IL22RA1: variants seen among roughly 807,000 people sequenced by gnomAD.
The protein encoded by IL22RA1 is interleukin 22 receptor subunit alpha 1, also known as interleukin-22 receptor subunit alpha-1.
IL22RA1 carries 25 observed loss-of-function variants against 32.8 expected under a neutral mutation model. That is an observed-to-expected ratio of 0.76 (90% CI 0.55 to 1.06). The LOEUF is 1.06. Ranked by LOEUF, IL22RA1 falls within the 50% of genes least tolerant of loss-of-function variation. The pLI, the probability that IL22RA1 is intolerant of heterozygous loss-of-function variation, is 0.00. For missense variants in IL22RA1, 709 were observed against 727.4 expected, an observed-to-expected ratio of 0.97 and a Z score of 0.29; for synonymous variants, 305 against 305.0, an observed-to-expected ratio of 1.00 and a Z score of 0.00.
rs116318421 is a variant in IL22RA1 at position 24,126,363 on chromosome 1, C to T, written c.670+1778G>A. 4.2e-3 allele frequency among the ~76,000 whole-genome samples: 640 copies of T among 152,268 alleles called. 2 individuals are homozygous for T. The highest frequency in any genetic ancestry group is 9.7e-3 in the African/African-American group (402 of 41,554). ...GCTGTTTGGAAAAGTGATGAGTTTC[C>T]GAACAAACCTGAGGACCAGAGTGTC... On this transcript the variant is annotated intron_variant, in intron 5 of 6. Coordinates refer to ENST00000270800, the MANE Select transcript of IL22RA1 (RefSeq NM_021258.4).
At chr1:24,126,543 CCTTCT>C (rs1644162797) in intron 5 of IL22RA1, among the ~76,000 whole-genome samples, 1 of 152,218 alleles carries the variant, frequency 6.6e-6, no homozygotes, top group African/African-American at 2.4e-5. Flanking sequence ...TAATACCGTG[CCTTCT>C]CATTCCTCAC....
chr1:24,136,605 G>A (rs1438810282), intron 3 of IL22RA1, among the ~76,000 whole-genome samples: 2 of 152,216 alleles, frequency 1.3e-5, no homozygotes, highest in African/African-American at 4.8e-5. Context: ...AGGAACCCGA[G>A]GCAGGGACTG....
intron 1 of IL22RA1, among the ~76,000 whole-genome samples, chr1:24,139,059 T>C (rs1336411639): frequency 1.3e-5 from 2 of 152,254 alleles, no homozygotes; most frequent in Non-Finnish European, 2.9e-5. Flanking sequence ...TATTATCTAA[T>C]TCCAGAACAT....
intron 4 of IL22RA1, among the ~76,000 whole-genome samples, chr1:24,132,761 G>A (rs542022143): frequency 6.6e-5 from 10 of 152,008 alleles, no homozygotes; most frequent in Middle Eastern, 3.4e-3. Flanking sequence ...AGCACTTTGG[G>A]AGGCTGAGGC....
intron 4 of IL22RA1, among the ~76,000 whole-genome samples, chr1:24,131,925 C>T (rs988855693): frequency 6.6e-5 from 10 of 152,046 alleles, no homozygotes; most frequent in Non-Finnish European, 8.8e-5. Context: ...TGTTCTCTGA[C>T]CACAAATTGA....
chr1:24,137,402 T>C, intron 2 of IL22RA1, 93 bp from the exon 3 acceptor site: 1 of 1,182,556 alleles, frequency 8.5e-7, no homozygotes. Context: ...ATCTGATATT[T>C]ACTTAGCACG....
At chr1:24,136,030 C>T (rs1232186553) in intron 3 of IL22RA1, among the ~76,000 whole-genome samples, 1 of 152,218 alleles carries the variant, frequency 6.6e-6, no homozygotes, top group Non-Finnish European at 1.5e-5. Context: ...TCCCAGCTCA[C>T]TGCAGTCTTG....
intron 1 of IL22RA1, among the ~76,000 whole-genome samples, chr1:24,142,268 G>C (rs1445298520): frequency 6.6e-6 from 1 of 152,220 alleles, no homozygotes; most frequent in Non-Finnish European, 1.5e-5. Context: ...GAGCAAGGAG[G>C]GCCTGGCCGA....
intron 4 of IL22RA1, among the ~76,000 whole-genome samples, chr1:24,133,148 G>C (rs1162421730): frequency 6.6e-6 from 1 of 150,782 alleles, no homozygotes; most frequent in Admixed American, 6.6e-5. Context: ...TCTGTGGCAT[G>C]CCAGGTAATA....
chr1:24,137,097 C>T (rs1159926566), intron 3 of IL22RA1, 34 bp downstream of exon 3: 3 of 1,592,190 alleles, frequency 1.9e-6, no homozygotes, highest in South Asian at 1.1e-5. Context: ...CTTTCCTCTT[C>T]CCTCCCCTGA....
At position 24,121,198 on chromosome 1, in the gene IL22RA1, G is replaced by A; in HGVS notation, c.1332C>T (p.Gly444=). Residue 444 remains glycine, a synonymous_variant, in exon 7 of 7, where the codon GGC becomes GGT. Coordinates refer to ENST00000270800, the MANE Select transcript of IL22RA1 (RefSeq NM_021258.4). ...EPPAGSCMLG[G]LSLQEVTSLA... ...AGGAGGTCACCTCCTGCAGAGAAAG[G>A]CCACCTAACATGCAGCTTCCAGCTG... 1.9e-6 allele frequency: 3 copies of A among 1,614,232 alleles called. No individual in the cohort carries two copies. The highest frequency in any genetic ancestry group is 2.5e-6 in the Non-Finnish European group (3 of 1,180,040).
chr1:24,128,777 C>T (rs1330568125), intron 4 of IL22RA1, among the ~76,000 whole-genome samples: 2 of 152,162 alleles, frequency 1.3e-5, no homozygotes, highest in Non-Finnish European at 2.9e-5. Context: ...CTTTCATGGT[C>T]GCCCATCTCT....
At chr1:24,136,838 G>A (rs1179451370) in intron 3 of IL22RA1, among the ~76,000 whole-genome samples, 1 of 152,158 alleles carries the variant, frequency 6.6e-6, no homozygotes, top group Non-Finnish European at 1.5e-5. Flanking sequence ...AAAGAGGAGA[G>A]TTGGGGAAAC....
chr1:24,132,941 T>G (rs1477705112), intron 4 of IL22RA1, among the ~76,000 whole-genome samples: 1 of 151,822 alleles, frequency 6.6e-6, no homozygotes, highest in Admixed American at 6.5e-5. Flanking sequence ...GAGCTGGATT[T>G]GAATCCTGTC....
intron 2 of IL22RA1, among the ~76,000 whole-genome samples, chr1:24,137,875 G>A (rs565128324): frequency 1.3e-3 from 194 of 152,294 alleles, no homozygotes; most frequent in African/African-American, 4.4e-3. Flanking sequence ...TTGCCCACGT[G>A]TTTGAAGTGT....
intron 4 of IL22RA1, among the ~76,000 whole-genome samples, chr1:24,130,737 C>T (rs1442160939): frequency 6.6e-6 from 1 of 152,246 alleles, no homozygotes; most frequent in African/African-American, 2.4e-5. Flanking sequence ...CACAGTCTTA[C>T]TCTGTCACCC....
At chr1:24,134,566 G>A (rs41268133) in intron 3 of IL22RA1, among the ~76,000 whole-genome samples, 180 bp from the exon 4 acceptor site, 36,234 of 152,032 alleles carry the variant, frequency 0.24, 5,202 homozygotes, top group Non-Finnish European at 0.3. Context: ...ACAAGCCCTG[G>A]TGTTTGGGTT....
intron 5 of IL22RA1, among the ~76,000 whole-genome samples, chr1:24,123,861 C>T (rs537819977): frequency 4.6e-4 from 70 of 152,322 alleles, no homozygotes; most frequent in Admixed American, 7.2e-4. Context: ...TGCCCCAGCC[C>T]TCATGGTCGA....
intron 2 of IL22RA1, among the ~76,000 whole-genome samples, 169 bp from the exon 3 acceptor site, chr1:24,137,478 A>G (rs1425468640): frequency 3.3e-5 from 5 of 151,300 alleles, no homozygotes; most frequent in Admixed American, 3.3e-4. Context: ...TCTGAGGCAT[A>G]TGCATTCTTC....
Sources: gnomAD v4.1 joint callset for allele counts (sites outside exome capture counted in the v4.1 genomes callset) on GRCh38, gnomAD v4.1.1 for gene constraint, MANE v1.5 for transcripts, NCBI Gene and HGNC (gene_info 2026-07-23, HGNC 2026-07-21) for gene names.